Variants in SYTL3 observed in about 807,000 individuals in gnomAD.
SYTL3 encodes the protein synaptotagmin like 3.
SYTL3 carries 88 observed loss-of-function variants against 82.1 expected under a neutral mutation model. The observed-to-expected ratio is 1.07, with a 90% CI of 0.90 to 1.28. The LOEUF (loss-of-function observed/expected upper bound fraction) is 1.28. Among genes scored for constraint, SYTL3 ranks in the 50% most tolerant of loss-of-function variants. SYTL3 has a pLI of 0.00. For missense variants in SYTL3, 831 were observed against 757.6 expected, an observed-to-expected ratio of 1.10 and a Z score of -1.14; for synonymous variants, 311 against 289.4, an observed-to-expected ratio of 1.07 and a Z score of -0.76.
At chr6:158,760,131 G>A (rs1789709346) in intron 14 of SYTL3, among the ~76,000 whole-genome samples, 1 of 152,046 alleles carries the variant, frequency 6.6e-6, no homozygotes, top group South Asian at 2.1e-4. Flanking sequence ...GAAGTGCCTC[G>A]GTGGGCAGGG....
chr6:158,716,531 C>T (rs1056276913), intron 9 of SYTL3, among the ~76,000 whole-genome samples: 1 of 152,274 alleles, frequency 6.6e-6, no homozygotes, highest in Non-Finnish European at 1.5e-5. Context: ...AGCTGCTGGC[C>T]TTAGAAAGAT....
In SYTL3 at chr6:158,707,335, G is replaced by C. The variant is rs916658119; in HGVS notation, c.446+54G>C. On this transcript the variant is annotated intron_variant, in intron 7 of 17. Coordinates refer to ENST00000611299, the MANE Select transcript of SYTL3 (RefSeq NM_001242394.2). ...TGGCCCTCCGGGGCAGGAGCGCAGA[G>C]GACACTCTGCAAGAACTTATAGGTC... is the stretch of plus-strand genomic sequence containing the variant. The C allele has an allele frequency of 4.8e-5, 75 of 1,547,178 alleles. No homozygotes were observed. In the Admixed American group the frequency reaches 1.2e-3, roughly 24 times the overall value.
chr6:158,698,497 TTA>T (rs1780807909), intron 6 of SYTL3, among the ~76,000 whole-genome samples: 1 of 152,074 alleles, frequency 6.6e-6, no homozygotes, highest in Admixed American at 6.5e-5. Context: ...GGTCAAACTT[TTA>T]GAGAGATTTT....
chr6:158,698,189 G>T (rs957615035), intron 6 of SYTL3, among the ~76,000 whole-genome samples: 3 of 152,072 alleles, frequency 2.0e-5, no homozygotes, highest in African/African-American at 7.2e-5. Flanking sequence ...TTGAGGTCAG[G>T]AATTGGAGAC....
intron 6 of SYTL3, among the ~76,000 whole-genome samples, chr6:158,683,613 G>T (rs1778978675): frequency 6.6e-6 from 1 of 152,226 alleles, no homozygotes. Context: ...CACCATCAGT[G>T]CTGGGTTTGT....
At chr6:158,728,197 G>A (rs1457282075) in intron 11 of SYTL3, among the ~76,000 whole-genome samples, 4 of 152,140 alleles carry the variant, frequency 2.6e-5, no homozygotes, top group Admixed American at 2.6e-4. Flanking sequence ...TTTTCATCTA[G>A]AAATTTAGAA....
intron 9 of SYTL3, among the ~76,000 whole-genome samples, chr6:158,714,082 G>T (rs568857035): frequency 6.6e-6 from 1 of 152,316 alleles, no homozygotes; most frequent in East Asian, 1.9e-4. Flanking sequence ...AAGAGAAATG[G>T]TGGCTCAGAC....
chr6:158,649,738 G>C (rs989516343), upstream of SYTL3, among the ~76,000 whole-genome samples: 7 of 152,234 alleles, frequency 4.6e-5, no homozygotes, highest in Non-Finnish European at 1.0e-4. Context: ...TCACAAATGT[G>C]AGAACATTTG....
intron 1 of SYTL3, among the ~76,000 whole-genome samples, chr6:158,651,315 G>A (rs950218142): frequency 2.6e-5 from 4 of 152,158 alleles, no homozygotes; most frequent in East Asian, 1.9e-4. Flanking sequence ...ATTCTCGGCC[G>A]GGTGTGATGG....
At chr6:158,664,542 C>A (rs1342303883) in intron 4 of SYTL3, among the ~76,000 whole-genome samples, 1 of 152,096 alleles carries the variant, frequency 6.6e-6, no homozygotes, top group Non-Finnish European at 1.5e-5. Flanking sequence ...GCCTCTGTCT[C>A]AAACCAACAA....
chr6:158,744,016 T>A (rs1787270063), intron 11 of SYTL3, among the ~76,000 whole-genome samples: 1 of 152,122 alleles, frequency 6.6e-6, no homozygotes, highest in Non-Finnish European at 1.5e-5. Context: ...CCTCCCAGGT[T>A]AAAGCAATTC....
chr6:158,740,105 T>A (rs141690178), intron 11 of SYTL3, among the ~76,000 whole-genome samples: 2 of 149,348 alleles, frequency 1.3e-5, no homozygotes, highest in African/African-American at 4.9e-5. Context: ...CAAGCAATTC[T>A]CCTGCCTCAT....
chr6:158,764,790 T>C lies in SYTL3; in HGVS notation c.*186T>C. 2 of 515,494 alleles carry C rather than the reference T, an allele frequency of 3.9e-6. No homozygotes were observed. Among genetic ancestry groups the C allele is most frequent in the Middle Eastern group, 3.1e-4 (1 of 3,192 alleles). The allele number at this position is 515,494 out of a possible 1,614,324, so 31.9% of individuals were successfully genotyped here. ...TGTATATTTACGTTAAACACAATTA[T>C]GTTACCTAAGCCTCTGGTGGGTTAT... On this transcript the variant is annotated 3_prime_UTR_variant, in exon 18 of 18. Transcript: ENST00000611299.
At chr6:158,658,415 G>A (rs940943271) in intron 2 of SYTL3, among the ~76,000 whole-genome samples, 2 of 152,112 alleles carry the variant, frequency 1.3e-5, no homozygotes, top group African/African-American at 2.4e-5. Context: ...AAGCTGGAGC[G>A]AGTCCCGCTG....
At chr6:158,704,211 C>T (rs1431460624) in intron 6 of SYTL3, among the ~76,000 whole-genome samples, 4 of 152,104 alleles carry the variant, frequency 2.6e-5, no homozygotes, top group Admixed American at 6.5e-5. Flanking sequence ...CATGAAGTTT[C>T]GTGGGAACGG....
At chr6:158,711,538 T>TC (rs1562408662) in intron 8 of SYTL3, among the ~76,000 whole-genome samples, 1 of 152,156 alleles carries the variant, frequency 6.6e-6, no homozygotes, top group Non-Finnish European at 1.5e-5. Flanking sequence ...CTGATGGTGT[T>TC]GTTACAGGAA....
chr6:158,758,603 T>G (rs1583507193), intron 14 of SYTL3, among the ~76,000 whole-genome samples: 1 of 152,264 alleles, frequency 6.6e-6, no homozygotes, highest in East Asian at 1.9e-4. Flanking sequence ...GCCTGGAAGC[T>G]TCTCAGGTTT....
rs1437481649 is a variant in SYTL3 at position 158,761,571 on chromosome 6, G to A, written c.1415-505G>A. ...GATCCGCCCACCTTGGCCTCCCAAA[G>A]TGCTGGGATTACAGGCGTGAGCCAC... On this transcript the variant is annotated intron_variant, in intron 15 of 17. Transcript: ENST00000611299. Among the ~76,000 whole-genome samples the A allele has an allele frequency of 3.3e-5, 5 of 151,970 alleles. No individual in the cohort carries two copies. The East Asian group carries it at 9.7e-4, about 29-fold the overall frequency.
At chr6:158,759,931 G>T (rs1428192489) in intron 14 of SYTL3, among the ~76,000 whole-genome samples, 1 of 152,042 alleles carries the variant, frequency 6.6e-6, no homozygotes, top group Non-Finnish European at 1.5e-5. Context: ...TGTTGTTAGT[G>T]TATTTTATGT....
Sources: gnomAD v4.1 joint callset for allele counts (sites outside exome capture counted in the v4.1 genomes callset) on GRCh38, gnomAD v4.1.1 for gene constraint, MANE v1.5 for transcripts, NCBI Gene and HGNC (gene_info 2026-07-23, HGNC 2026-07-21) for gene names.